Variants in FAM133B observed in about 807,000 individuals in gnomAD.
FAM133B encodes the protein family with sequence similarity 133 member B, also known as protein FAM133B.
In FAM133B, 25 loss-of-function variants were observed where a neutral mutation model predicts 46.4. That is an observed-to-expected ratio of 0.54 (90% CI 0.39 to 0.75). FAM133B has a LOEUF of 0.75. Ranked by LOEUF, FAM133B falls within the 30% of genes least tolerant of loss-of-function variation. The pLI, the probability that FAM133B is intolerant of heterozygous loss-of-function variation, is 0.00. For missense variants in FAM133B, 205 were observed against 277.6 expected (o/e 0.74, Z 1.86); for synonymous variants, 75 against 86.0 (o/e 0.87, Z 0.71).
chr7:92,575,178 T>C lies in FAM133B; in HGVS notation c.516+593A>G, dbSNP rs140197831. 4.0e-3 allele frequency among the ~76,000 whole-genome samples: 613 copies of C among 152,316 alleles called. 7 individuals carry two copies. The highest frequency in any genetic ancestry group is 7.1e-3 in the Non-Finnish European group (486 of 68,026). The stretch of plus-strand genomic sequence containing the variant: ...TGAAAGAGAAATTAATGTTCTTTAA[T>C]TGGAAGGGCCTTCTTCAAAATGGTT... On this transcript the variant is annotated intron_variant, in intron 8 of 10. Transcript: ENST00000445716.
rs780757491 is a variant in FAM133B, at chr7:92,577,197, T to C, written c.373-2A>G. ...TCTCCGTTTTCCTTGTTTCTTATCC[T>C]ACATAAAATATTTTTAGAAACATTT... is the stretch of plus-strand genomic sequence containing the variant. On this transcript the variant is annotated splice_acceptor_variant, in intron 6 of 10. Transcript: ENST00000445716. LOFTEE classifies it high-confidence loss of function. 2.1e-6 allele frequency: 3 copies of C among 1,459,230 alleles called. No individual in the cohort carries two copies. Among genetic ancestry groups the C allele is most frequent in the South Asian group, 3.0e-5 (2 of 67,396 alleles). The allele number at this position is 1,459,230 out of a possible 1,614,324, so 90.4% of individuals were successfully genotyped here.
In FAM133B at chr7:92,577,704, G is replaced by C; in HGVS notation, c.323C>G (p.Ser108Cys). ...GCTGGAAGAATCAGAGCTTGATGAA[G>C]AAGAAGATGAATACTTGACCAAGCA... ...KKKSGRYSSS[S>C]SSSSDSSSSS... The change falls in exon 6 of 11, where the codon TCT becomes TGT. Residue 108 changes from serine (S) to cysteine (C), a missense_variant. Transcript: ENST00000445716. 1.9e-6 allele frequency: 3 copies of C among 1,580,370 alleles called. No homozygotes were observed. In the Middle Eastern group the frequency reaches 5.0e-4, roughly 263 times the overall value.
At chr7:92,581,743 C>A in intron 1 of FAM133B, 140 bp from the exon 2 acceptor site, 3 of 609,878 alleles carry the variant, frequency 4.9e-6, no homozygotes, top group South Asian at 2.1e-5. Context: ...ACTCTTTATT[C>A]TAAAAAAATT....
intron 2 of FAM133B, among the ~76,000 whole-genome samples, chr7:92,580,794 T>C (rs1794845170): frequency 6.6e-6 from 1 of 152,224 alleles, no homozygotes; most frequent in Non-Finnish European, 1.5e-5. Flanking sequence ...GTTCATTCCC[T>C]CTCCCCATTA....
chr7:92,578,631 A>C (rs1207936701), intron 3 of FAM133B, among the ~76,000 whole-genome samples: 1 of 152,240 alleles, frequency 6.6e-6, no homozygotes, highest in African/African-American at 2.4e-5. Flanking sequence ...ATTGAGCAGC[A>C]GGCATTATTA....
chr7:92,577,294 A>G, intron 6 of FAM133B, 99 bp from the exon 7 acceptor site: 1 of 748,226 alleles, frequency 1.3e-6, no homozygotes, highest in Non-Finnish European at 2.0e-6. Context: ...AAATTTCACA[A>G]AAGGATCAGT....
chr7:92,581,914 C>G, intron 1 of FAM133B: 1 of 234,310 alleles, frequency 4.3e-6, no homozygotes. Context: ...GCCCAGTAAC[C>G]CTGTGAGGGT....
chr7:92,575,638 G>T, intron 8 of FAM133B, 133 bp downstream of exon 8: 2 of 439,816 alleles, frequency 4.5e-6, no homozygotes, highest in South Asian at 5.4e-5. Context: ...ATTAAAAATT[G>T]CTTTAAATTG....
At chr7:92,582,287 AC>A (rs1489013450) in intron 1 of FAM133B, among the ~76,000 whole-genome samples, 15 of 137,704 alleles carry the variant, frequency 1.1e-4, no homozygotes, top group African/African-American at 3.7e-4. Context: ...ACATAACATA[AC>A]ATAACATAAC....
At chr7:92,588,652 T>C (rs567391069) in intron 1 of FAM133B, among the ~76,000 whole-genome samples, 1 of 152,186 alleles carries the variant, frequency 6.6e-6, no homozygotes, top group South Asian at 2.1e-4. Flanking sequence ...CCAAATCTCA[T>C]GTCGAATTGT....
intron 9 of FAM133B, among the ~76,000 whole-genome samples, chr7:92,567,011 G>GA (rs1169427852): frequency 6.6e-6 from 1 of 152,130 alleles, no homozygotes; most frequent in Non-Finnish European, 1.5e-5. Context: ...AGGAGTTCAA[G>GA]ACCAGCCTGG....
rs1794138717 is a variant in FAM133B at position 92,560,986 on chromosome 7, A to G, written c.*1296T>C. The G allele has an allele frequency of 6.5e-6, 1 of 152,678 alleles. No individual in the cohort carries two copies. The highest frequency in any genetic ancestry group is 2.1e-4 in the South Asian group (1 of 4,836). The allele number at this position is 152,678 out of a possible 1,614,324, so 9.5% of individuals were successfully genotyped here. On this transcript the variant is annotated 3_prime_UTR_variant, in exon 11 of 11. Transcript: ENST00000445716. ...TTTTAACATTCCTAGTAAACAATTC[A>G]GCAGTAGACATGAGGCACAAAATCT...
At position 92,562,209 on chromosome 7, in the gene FAM133B, T is replaced by C; in HGVS notation, c.*73A>G. ...AAATTCATGCATTTTAGTAAATATG[T>C]TGTAGTTTTCACAGTTGAAATTTCC... On this transcript the variant is annotated 3_prime_UTR_variant, in exon 11 of 11. Coordinates refer to ENST00000445716, the MANE Select transcript of FAM133B (RefSeq NM_152789.4). 2 of 1,442,142 alleles carry C rather than the reference T, an allele frequency of 1.4e-6. No homozygotes were observed. Among genetic ancestry groups the C allele is most frequent in the African/African-American group, 1.4e-5 (1 of 69,554 alleles). 89.3% of individuals were successfully genotyped at this position (1,442,142 alleles called of 1,614,324 possible).
intron 10 of FAM133B, 169 bp downstream of exon 10, chr7:92,565,845 C>A: frequency 1.6e-6 from 1 of 634,788 alleles, no homozygotes; most frequent in Admixed American, 2.9e-5. Context: ...TTTTCCTGAA[C>A]CATTTTGACT....
chr7:92,573,677 T>C, intron 8 of FAM133B, among the ~76,000 whole-genome samples: 2 of 152,040 alleles, frequency 1.3e-5, no homozygotes, highest in Non-Finnish European at 2.9e-5. Context: ...TTTTTAAATA[T>C]GAGGGTAACC....
At chr7:92,578,627 C>A (rs1794772883) in intron 3 of FAM133B, among the ~76,000 whole-genome samples, 1 of 152,200 alleles carries the variant, frequency 6.6e-6, no homozygotes, top group African/African-American at 2.4e-5. Flanking sequence ...TATTATTGAG[C>A]AGCAGGCATT....
intron 8 of FAM133B, among the ~76,000 whole-genome samples, chr7:92,571,566 C>G (rs1320530810): frequency 6.6e-6 from 1 of 152,170 alleles, no homozygotes; most frequent in Non-Finnish European, 1.5e-5. Flanking sequence ...CACCCTTTCT[C>G]TAGTTGCATT....
intron 1 of FAM133B, among the ~76,000 whole-genome samples, chr7:92,584,614 A>G (rs1794987288): frequency 6.6e-6 from 1 of 152,246 alleles, no homozygotes; most frequent in African/African-American, 2.4e-5. Context: ...TGTGGACATC[A>G]TATGCAATGT....
Position 92,578,183 on chromosome 7 carries a change from C to G in FAM133B, c.277-1G>C. The G allele has an allele frequency of 6.2e-7, 1 of 1,611,156 alleles. No homozygotes were observed. The highest frequency in any genetic ancestry group is 8.5e-7 in the Non-Finnish European group (1 of 1,179,002). ...ATTTCTTCTTTTCTTTTTTCTTTCT[C>G]TAAATGGAAACAAAAGTACAAGTCT... On this transcript the variant is annotated splice_acceptor_variant, in intron 4 of 10. Transcript: ENST00000445716. LOFTEE classifies it high-confidence loss of function.
Sources: allele counts gnomAD v4.1 joint callset (sites outside exome capture counted in the v4.1 genomes callset), GRCh38; gene constraint gnomAD v4.1.1; transcripts MANE v1.5; gene names NCBI Gene and HGNC (gene_info 2026-07-23, HGNC 2026-07-21).